The following CSMD1 variants were observed in gnomAD, a reference collection of about 807,000 sequenced individuals.
CSMD1 encodes CUB and sushi domain-containing protein 1.
CSMD1 carries 213 observed loss-of-function variants against 417.5 expected under a neutral mutation model. The ratio of observed to expected loss-of-function variants is 0.51; its 90% confidence interval spans 0.46 to 0.57. The LOEUF is 0.57. Ranked by LOEUF, CSMD1 falls within the 20% of genes least tolerant of loss-of-function variation. CSMD1 has a pLI of 0.00. For missense variants in CSMD1, 6,923 were observed against 4,529.7 expected (o/e 1.53, Z -15.17); for synonymous variants, 2,862 against 1,736.8 (o/e 1.65, Z -16.11).
At chr8:3,371,499 C>T (rs1420581499) in intron 18 of CSMD1, among the ~76,000 whole-genome samples, 2 of 151,516 alleles carry the variant, frequency 1.3e-5, no homozygotes, top group Non-Finnish European at 2.9e-5. Context: ...TTAACATGCC[C>T]ACATTCTGTG....
At chr8:3,763,091 C>T (rs977450725) in intron 5 of CSMD1, among the ~76,000 whole-genome samples, 6 of 152,134 alleles carry the variant, frequency 3.9e-5, no homozygotes, top group Admixed American at 6.5e-5. Context: ...CTCTCTGGCA[C>T]GTAACAGAGT....
At chr8:3,887,713 A>G (rs748788827) in intron 5 of CSMD1, among the ~76,000 whole-genome samples, 4 of 152,188 alleles carry the variant, frequency 2.6e-5, no homozygotes, top group African/African-American at 4.8e-5. Context: ...TTTGGAAGGA[A>G]ATAGCTTTGA....
chr8:4,466,653 A>G (rs1800188062), intron 2 of CSMD1, among the ~76,000 whole-genome samples: 1 of 152,196 alleles, frequency 6.6e-6, no homozygotes, highest in African/African-American at 2.4e-5. Flanking sequence ...TTAATTTTTC[A>G]GAACAAATAT....
chr8:2,989,895 T>C (rs567551187), intron 54 of CSMD1, among the ~76,000 whole-genome samples: 2 of 152,210 alleles, frequency 1.3e-5, no homozygotes, highest in African/African-American at 4.8e-5. Flanking sequence ...GTCGTCTGCA[T>C]AGTTATCTAC....
chr8:4,008,031 G>T (rs560062484), intron 4 of CSMD1, among the ~76,000 whole-genome samples: 1 of 152,234 alleles, frequency 6.6e-6, no homozygotes, highest in East Asian at 1.9e-4. Flanking sequence ...GTGTGTTTTT[G>T]CTTTGCTTGT....
chr8:4,805,311 T>A (rs1251605048), intron 1 of CSMD1, among the ~76,000 whole-genome samples: 1 of 152,238 alleles, frequency 6.6e-6, no homozygotes, highest in Non-Finnish European at 1.5e-5. Flanking sequence ...TGCTTCATGT[T>A]ATAGAACACT....
intron 26 of CSMD1, among the ~76,000 whole-genome samples, chr8:3,271,263 A>AT: frequency 6.6e-6 from 1 of 151,952 alleles, no homozygotes; most frequent in Non-Finnish European, 1.5e-5. Context: ...TGAACTCATC[A>AT]TTTTTTAAGG....
intron 1 of CSMD1, among the ~76,000 whole-genome samples, chr8:4,643,509 A>G (rs1348859843): frequency 6.6e-6 from 1 of 152,174 alleles, no homozygotes; most frequent in African/African-American, 2.4e-5. Flanking sequence ...ACTCTCAAGT[A>G]AAAAACATAA....
intron 2 of CSMD1, among the ~76,000 whole-genome samples, chr8:4,561,351 T>C (rs1798322258): frequency 1.3e-5 from 2 of 152,020 alleles, no homozygotes; most frequent in Admixed American, 1.3e-4. Flanking sequence ...TCCAGCCCGG[T>C]GACAGAATGA....
At chr8:3,801,803 C>G (rs1168909325) in intron 5 of CSMD1, among the ~76,000 whole-genome samples, 2 of 152,058 alleles carry the variant, frequency 1.3e-5, no homozygotes, top group African/African-American at 4.8e-5. Flanking sequence ...TAAAAATCAA[C>G]AAAGTACTAA....
chr8:3,273,553 A>G (rs974703193), intron 26 of CSMD1, among the ~76,000 whole-genome samples: 35 of 152,308 alleles, frequency 2.3e-4, no homozygotes, highest in South Asian at 1.7e-3. Context: ...TTGTGAGTCC[A>G]TCTGGTCCTG....
At chr8:3,576,266 C>T (rs1800146761) in intron 9 of CSMD1, among the ~76,000 whole-genome samples, 1 of 78,666 alleles carries the variant, frequency 1.3e-5, no homozygotes, top group Non-Finnish European at 2.5e-5. Context: ...CCATGCATGT[C>T]AAAATAATAA....
chr8:4,180,763 T>A (rs929645514), intron 3 of CSMD1, among the ~76,000 whole-genome samples: 1 of 152,196 alleles, frequency 6.6e-6, no homozygotes, highest in East Asian at 1.9e-4. Context: ...CCTTCTTATC[T>A]AACATTGTGT....
At chr8:2,980,534 C>T (rs1805315616) in intron 54 of CSMD1, among the ~76,000 whole-genome samples, 1 of 152,120 alleles carries the variant, frequency 6.6e-6, no homozygotes, top group South Asian at 2.1e-4. Flanking sequence ...GGCCCAGCCT[C>T]TCTTAAAGGT....
At chr8:4,421,187 G>C (rs1382348110) in intron 2 of CSMD1, among the ~76,000 whole-genome samples, 1 of 152,146 alleles carries the variant, frequency 6.6e-6, no homozygotes, top group Admixed American at 6.5e-5. Context: ...TACTTTATGT[G>C]TTAGCGAACG....
At chr8:4,896,893 A>G (rs1006024333) in intron 1 of CSMD1, among the ~76,000 whole-genome samples, 2 of 152,074 alleles carry the variant, frequency 1.3e-5, no homozygotes. Flanking sequence ...AAAAAGTAAC[A>G]GTATCTTGGG....
chr8:4,024,876 C>G lies in CSMD1; in HGVS notation c.610+7029G>C, dbSNP rs149002048. Among the ~76,000 whole-genome samples, 27 of 152,236 alleles carry G rather than the reference C, an allele frequency of 1.8e-4. No homozygotes were observed. In the East Asian group the frequency reaches 4.6e-3, roughly 26 times the overall value. On this transcript the variant is annotated intron_variant, in intron 4 of 69. Coordinates refer to ENST00000635120, the MANE Select transcript of CSMD1 (RefSeq NM_033225.6). ...GAATTGTTTTCTTAAGTAAGGTTTGCTAAAACAAAGTGTTCCATCATAGAA... is the reference window on the plus strand; with the variant it reads ...GAATTGTTTTCTTAAGTAAGGTTTGGTAAAACAAAGTGTTCCATCATAGAA...
intron 10 of CSMD1, among the ~76,000 whole-genome samples, chr8:3,530,129 G>A (rs1437194808): frequency 2.0e-5 from 3 of 152,032 alleles, no homozygotes; most frequent in Admixed American, 6.6e-5. Flanking sequence ...AAGCAACTTG[G>A]TTTAAGTTCA....
intron 2 of CSMD1, among the ~76,000 whole-genome samples, chr8:4,476,356 G>C (rs1362941266): frequency 1.3e-5 from 2 of 152,112 alleles, no homozygotes; most frequent in Non-Finnish European, 2.9e-5. Context: ...TATGGTATTA[G>C]TATTCAGCAC....
Sources: gnomAD v4.1 joint callset for allele counts (sites outside exome capture counted in the v4.1 genomes callset) on GRCh38, gnomAD v4.1.1 for gene constraint, MANE v1.5 for transcripts, NCBI Gene and HGNC (gene_info 2026-07-23, HGNC 2026-07-21) for gene names.